Variants in ATF7 observed in about 807,000 individuals in gnomAD.
The protein encoded by ATF7 is cyclic AMP-dependent transcription factor ATF-7.
ATF7 carries 10 observed loss-of-function variants against 50.4 expected under a neutral mutation model. The ratio of observed to expected loss-of-function variants is 0.20; its 90% CI spans 0.12 to 0.34. The LOEUF (loss-of-function observed/expected upper bound fraction) is 0.34, where lower values mean the gene tolerates loss of function less well. Among genes scored for constraint, ATF7 ranks in the 10% least tolerant of loss-of-function variants. The pLI is 1.00. For synonymous variants in ATF7, 201 were observed against 226.4 expected, an observed-to-expected ratio of 0.89 and a Z score of 1.01; for missense variants, 465 against 613.9, an observed-to-expected ratio of 0.76 and a Z score of 2.56.
chr12:53,565,602 C>T lies in ATF7; in HGVS notation c.49-12965G>A, dbSNP rs140905817. Among the ~76,000 whole-genome samples the T allele has an allele frequency of 4.0e-4, 61 of 152,162 alleles. No homozygotes were observed. In the East Asian group the frequency reaches 0.011, roughly 27 times the overall value. Reference sequence around the variant, plus strand: ...CTGCCTCCCAGGTTCAAGTGATTCTCGTACTTCGGCCTCCTGAGTAGCTGG... The same window carrying T: ...CTGCCTCCCAGGTTCAAGTGATTCTTGTACTTCGGCCTCCTGAGTAGCTGG... On this transcript the variant is annotated intron_variant, in intron 2 of 11. Coordinates refer to ENST00000420353, the MANE Select transcript of ATF7 (RefSeq NM_006856.3).
At chr12:53,616,135 T>G (rs951561228) in intron 1 of ATF7, among the ~76,000 whole-genome samples, 11 of 152,194 alleles carry the variant, frequency 7.2e-5, no homozygotes, top group Admixed American at 6.5e-4. Flanking sequence ...TGTGAGAAGG[T>G]GGGGCTGTGG....
chr12:53,625,380 G>A (rs1593023943), intron 1 of ATF7, among the ~76,000 whole-genome samples: 3 of 152,052 alleles, frequency 2.0e-5, no homozygotes, highest in African/African-American at 7.3e-5. Context: ...ACCAGTCTGG[G>A]TGCCATATCC....
At chr12:53,547,713 G>T (rs917177494) in intron 3 of ATF7, among the ~76,000 whole-genome samples, 1 of 151,936 alleles carries the variant, frequency 6.6e-6, no homozygotes, top group South Asian at 2.1e-4. Context: ...AAGTAGCTAG[G>T]ACTACAGGTG....
chr12:53,625,499 C>A (rs974176267), intron 1 of ATF7, among the ~76,000 whole-genome samples: 1 of 152,190 alleles, frequency 6.6e-6, no homozygotes, highest in Non-Finnish European at 1.5e-5. Flanking sequence ...AGGCTCATAT[C>A]CTTCCAGAAG....
At chr12:53,588,929 C>T (rs1448611064) in intron 2 of ATF7, among the ~76,000 whole-genome samples, 1 of 152,022 alleles carries the variant, frequency 6.6e-6, no homozygotes, top group African/African-American at 2.4e-5. Flanking sequence ...TAAGAATTTA[C>T]ACCTTTTTTT....
At chr12:53,597,510 T>C (rs1943213628) in intron 2 of ATF7, among the ~76,000 whole-genome samples, 1 of 152,124 alleles carries the variant, frequency 6.6e-6, no homozygotes, top group Non-Finnish European at 1.5e-5. Context: ...TAGTTTTGTT[T>C]GTTTTTTAAG....
intron 3 of ATF7, among the ~76,000 whole-genome samples, chr12:53,544,157 A>G (rs1939738767): frequency 6.6e-6 from 1 of 152,230 alleles, no homozygotes; most frequent in Non-Finnish European, 1.5e-5. Flanking sequence ...TGCCAGCCAA[A>G]ATATGCCCAC....
intron 2 of ATF7, among the ~76,000 whole-genome samples, chr12:53,587,482 T>G (rs1160662982): frequency 2.0e-5 from 3 of 151,350 alleles, no homozygotes; most frequent in African/African-American, 7.3e-5. Context: ...AAGACCAGCT[T>G]GGCCAATATG....
At chr12:53,614,527 A>T (rs1944031291) in intron 1 of ATF7, among the ~76,000 whole-genome samples, 2 of 152,246 alleles carry the variant, frequency 1.3e-5, no homozygotes, top group South Asian at 4.1e-4. Context: ...AAAGAACAAA[A>T]AACCTGACAG....
intron 3 of ATF7, among the ~76,000 whole-genome samples, chr12:53,546,573 C>T (rs202062866): frequency 6.6e-6 from 1 of 151,586 alleles, no homozygotes; most frequent in African/African-American, 2.4e-5. Flanking sequence ...CTCAGCCTCC[C>T]GAGTAGCTGA....
chr12:53,587,842 TA>T (rs1309322266), intron 2 of ATF7, among the ~76,000 whole-genome samples: 979 of 44,560 alleles, frequency 0.022, 15 homozygotes, highest in African/African-American at 0.047. Context: ...TATATATATA[TA>T]TTTTTTTTTT....
At chr12:53,605,943 A>G (rs1943583185) in intron 1 of ATF7, among the ~76,000 whole-genome samples, 1 of 152,220 alleles carries the variant, frequency 6.6e-6, no homozygotes, top group Non-Finnish European at 1.5e-5. Context: ...TGCTGGATCC[A>G]CAAAATATTT....
At chr12:53,558,184 T>C (rs1038298932) in intron 2 of ATF7, among the ~76,000 whole-genome samples, 1 of 152,240 alleles carries the variant, frequency 6.6e-6, no homozygotes, top group African/African-American at 2.4e-5. Flanking sequence ...CAGAGGTAAC[T>C]CTGTCCCCCA....
At chr12:53,587,574 C>T (rs1345583154) in intron 2 of ATF7, among the ~76,000 whole-genome samples, 1 of 148,468 alleles carries the variant, frequency 6.7e-6, no homozygotes, top group African/African-American at 2.5e-5. Context: ...GGCTGAGGCA[C>T]GACAATCGCC....
At chr12:53,556,254 A>G (rs961704609) in intron 2 of ATF7, among the ~76,000 whole-genome samples, 3 of 152,196 alleles carry the variant, frequency 2.0e-5, no homozygotes, top group Non-Finnish European at 4.4e-5. Flanking sequence ...TTATAATATC[A>G]TTAATTTCTC....
chr12:53,519,345 A>G (rs1181191801), intron 11 of ATF7, among the ~76,000 whole-genome samples: 2 of 152,148 alleles, frequency 1.3e-5, no homozygotes, highest in African/African-American at 4.8e-5. Context: ...CTTATTCATC[A>G]TGTGTCAGGT....
intron 11 of ATF7, 127 bp from the exon 12 acceptor site, chr12:53,517,481 G>T: frequency 3.3e-6 from 3 of 903,238 alleles, no homozygotes; most frequent in East Asian, 5.3e-5. Flanking sequence ...TCTTTTTTTT[G>T]GGGAAAACTT....
At chr12:53,525,677 A>G (rs1288436606) in intron 9 of ATF7, among the ~76,000 whole-genome samples, 1 of 152,190 alleles carries the variant, frequency 6.6e-6, no homozygotes, top group African/African-American at 2.4e-5. Context: ...CCCTTTACAA[A>G]TTGGTGATAT....
downstream of ATF7, among the ~76,000 whole-genome samples, chr12:53,508,406 G>A (rs7975351): frequency 0.56 from 84,222 of 150,734 alleles, 24,466 homozygotes; most frequent in East Asian, 0.99. Context: ...CTAAAAATAC[G>A]AAAATTAGCT....
Sources: allele counts gnomAD v4.1 joint callset (sites outside exome capture counted in the v4.1 genomes callset), GRCh38; gene constraint gnomAD v4.1.1; transcripts MANE v1.5; gene names NCBI Gene and HGNC (gene_info 2026-07-23, HGNC 2026-07-21).